VLDLR: variants seen among roughly 807,000 people sequenced by gnomAD.
VLDLR encodes very low density lipoprotein receptor, also known as very low-density lipoprotein receptor.
A neutral mutation model predicts 112.7 loss-of-function variants in VLDLR; 81 were observed. That is an observed-to-expected ratio of 0.72 (90% CI 0.60 to 0.86). The LOEUF (loss-of-function observed/expected upper bound fraction) is 0.86. Ranked by LOEUF, VLDLR falls within the 40% of genes least tolerant of loss-of-function variation. The pLI is 0.00. For missense variants in VLDLR, 1,237 were observed against 1,099.4 expected, an observed-to-expected ratio of 1.13 and a Z score of -1.77; for synonymous variants, 436 against 384.8, an observed-to-expected ratio of 1.13 and a Z score of -1.56.
intron 1 of VLDLR, among the ~76,000 whole-genome samples, chr9:2,624,421 C>G (rs938061929): frequency 1.3e-5 from 2 of 152,170 alleles, no homozygotes; most frequent in African/African-American, 4.8e-5. Context: ...TACTCCTGGA[C>G]AAGACAGGTG....
chr9:2,638,039 A>G (rs2130782810), intron 2 of VLDLR, among the ~76,000 whole-genome samples: 1 of 152,334 alleles, frequency 6.6e-6, no homozygotes, highest in South Asian at 2.1e-4. Context: ...TAGCTTCCAA[A>G]GAATATCACA....
intron 18 of VLDLR, among the ~76,000 whole-genome samples, 196 bp downstream of exon 18, chr9:2,653,145 G>T (rs556723595): frequency 6.6e-6 from 1 of 152,262 alleles, no homozygotes; most frequent in East Asian, 1.9e-4. Flanking sequence ...CTCACCAACT[G>T]ACAAGTGGGT....
At chr9:2,648,580 C>CT (rs1818171383) in intron 13 of VLDLR, 89 bp from the exon 14 acceptor site, 5 of 1,595,022 alleles carry the variant, frequency 3.1e-6, no homozygotes, top group Non-Finnish European at 4.3e-6. Flanking sequence ...TAAACTTAGT[C>CT]CATTAAATGA....
chr9:2,627,045 G>C (rs1817124968), intron 1 of VLDLR, among the ~76,000 whole-genome samples: 1 of 138,318 alleles, frequency 7.2e-6, no homozygotes, highest in South Asian at 2.2e-4. Flanking sequence ...ACCAGGCATG[G>C]GGACAGAGTG....
chr9:2,637,968 A>AAATC lies in VLDLR; in HGVS notation c.203-1873_203-1870dup, dbSNP rs918720938. Among the ~76,000 whole-genome samples, 22 of 152,096 alleles carry AAATC rather than the reference A, an allele frequency of 1.4e-4. No individual in the cohort carries two copies. In the South Asian group the frequency reaches 1.9e-3, roughly 13 times the overall value. On this transcript the variant is annotated intron_variant, in intron 2 of 18. Transcript: ENST00000382100. ...AAAAAAATAAATAAAAATAAATAAAAAATCAATCAATCAATCAATCATGGG... is the reference window on the plus strand; with the variant it reads ...AAAAAAATAAATAAAAATAAATAAAAAATCAATCAATCAATCAATCAATCATGGG...
rs1231998011 is a variant in VLDLR at position 2,658,150 on chromosome 9, T to C, written c.*4282T>C. The C allele has an allele frequency of 1.3e-5, 2 of 152,222 alleles. No individual in the cohort carries two copies. Among genetic ancestry groups the C allele is most frequent in the Non-Finnish European group, 2.9e-5 (2 of 68,032 alleles). The allele number at this position is 152,222 out of a possible 1,614,324, so 9.4% of individuals were successfully genotyped here. A position where few individuals can be genotyped will look rare whatever the true frequency, so the allele number is the denominator to read the frequency against. On this transcript the variant is annotated 3_prime_UTR_variant, in exon 19 of 19. Coordinates refer to ENST00000382100, the MANE Select transcript of VLDLR (RefSeq NM_003383.5). Reference sequence around the variant, plus strand: ...GCATGTGAAGGATTATCAGCCATCTTTGCATATCCCTTTCACATCTACCTT... The same window carrying C: ...GCATGTGAAGGATTATCAGCCATCTCTGCATATCCCTTTCACATCTACCTT...
chr9:2,649,620 G>T (rs962167197), intron 14 of VLDLR, among the ~76,000 whole-genome samples: 2 of 152,130 alleles, frequency 1.3e-5, no homozygotes, highest in Non-Finnish European at 2.9e-5. Context: ...TCGAACTCCT[G>T]ACCCAAAGTA....
At chr9:2,628,575 GTTGC>G (rs1377006705) in intron 1 of VLDLR, among the ~76,000 whole-genome samples, 1 of 152,166 alleles carries the variant, frequency 6.6e-6, no homozygotes, top group Non-Finnish European at 1.5e-5. Flanking sequence ...GAATCACTAG[GTTGC>G]TTGATATGGG....
chr9:2,635,400 T>C, intron 1 of VLDLR, 53 bp from the exon 2 acceptor site: 1 of 1,612,504 alleles, frequency 6.2e-7, no homozygotes, highest in Non-Finnish European at 8.5e-7. Flanking sequence ...GTATTAGGTA[T>C]CTTGAATCTA....
chr9:2,633,784 A>G (rs190257068), intron 1 of VLDLR, among the ~76,000 whole-genome samples: 8 of 152,292 alleles, frequency 5.3e-5, no homozygotes, highest in Middle Eastern at 3.4e-3. Flanking sequence ...AAGGTCATAT[A>G]GAACTGCAAG....
Position 2,651,809 on chromosome 9 carries a change from T to C in VLDLR, c.2336-65T>C, listed in dbSNP as rs7043949. 61,033 of 1,589,306 alleles carry C rather than the reference T, an allele frequency of 0.038. 1,583 individuals are homozygous for C. The highest frequency in any genetic ancestry group is 0.12 in the African/African-American group (8,681 of 74,478). On this transcript the variant is annotated intron_variant, in intron 16 of 18. Transcript: ENST00000382100. ...GATGCAAAGGTTTTGGCTCCTTACC[T>C]GATGGGTAAATTTCTAAGTCTGAAT...
At chr9:2,648,498 T>A (rs1188980196) in intron 13 of VLDLR, 151 bp downstream of exon 13, 2 of 1,509,396 alleles carry the variant, frequency 1.3e-6, no homozygotes, top group African/African-American at 2.8e-5. Context: ...AGACACTAAG[T>A]CCCAGAAGCA....
intron 10 of VLDLR, among the ~76,000 whole-genome samples, chr9:2,646,125 A>C (rs999972181): frequency 6.6e-6 from 1 of 151,902 alleles, no homozygotes; most frequent in Non-Finnish European, 1.5e-5. Context: ...GTTCTTGTAT[A>C]TAGAATACAT....
At chr9:2,623,170 T>A (rs192257423) in intron 1 of VLDLR, among the ~76,000 whole-genome samples, 24 of 152,278 alleles carry the variant, frequency 1.6e-4, no homozygotes, top group African/African-American at 5.3e-4. Flanking sequence ...TGTGGCCCTG[T>A]CTTGTTGGGA....
chr9:2,646,215 TG>T, intron 10 of VLDLR, 118 bp from the exon 11 acceptor site: 1 of 866,630 alleles, frequency 1.2e-6, no homozygotes, highest in Non-Finnish European at 1.9e-6. Flanking sequence ...TGGTGAGCTG[TG>T]GTGTTAACTG....
chr9:2,649,760 A>G (rs1472055617), intron 14 of VLDLR, among the ~76,000 whole-genome samples: 5 of 152,288 alleles, frequency 3.3e-5, no homozygotes, highest in African/African-American at 9.6e-5. Flanking sequence ...CCTATCCTCA[A>G]TATCTCCAAA....
intron 3 of VLDLR, among the ~76,000 whole-genome samples, chr9:2,640,495 C>G (rs1380902975): frequency 6.6e-6 from 1 of 152,074 alleles, no homozygotes; most frequent in African/African-American, 2.4e-5. Flanking sequence ...ACAGCATATT[C>G]TTAAATAAGA....
chr9:2,653,877 A>T lies in VLDLR; in HGVS notation c.*9A>T, dbSNP rs1352918693. The T allele has an allele frequency of 6.2e-7, 1 of 1,613,746 alleles. No individual in the cohort carries two copies. The highest frequency in any genetic ancestry group is 8.5e-7 in the Non-Finnish European group (1 of 1,179,806). ...ATGATGATCTAGCTTGACTTCTGTG[A>T]CAAATGTTGACCTTTGAGGTCTAAA... On this transcript the variant is annotated 3_prime_UTR_variant, in exon 19 of 19. Transcript: ENST00000382100.
intron 18 of VLDLR, among the ~76,000 whole-genome samples, chr9:2,653,151 T>G (rs1818428991): frequency 6.6e-6 from 1 of 152,168 alleles, no homozygotes; most frequent in East Asian, 1.9e-4. Context: ...AACTGACAAG[T>G]GGGTCAACTT....
Sources: allele counts gnomAD v4.1 joint callset (sites outside exome capture counted in the v4.1 genomes callset), GRCh38; gene constraint gnomAD v4.1.1; transcripts MANE v1.5; gene names NCBI Gene and HGNC (gene_info 2026-07-23, HGNC 2026-07-21).